Variants in SGMS1 observed in about 807,000 individuals in gnomAD.
SGMS1 encodes the protein sphingomyelin synthase 1.
Under a neutral mutation model 46.2 loss-of-function variants are expected in SGMS1, and 13 were observed. The observed-to-expected ratio is 0.28, with a 90% confidence interval of 0.18 to 0.45. The LOEUF (loss-of-function observed/expected upper bound fraction) is 0.45, where lower values mean the gene tolerates loss of function less well. SGMS1 is among the 20% of genes least tolerant of loss of function. The pLI is 1.00. For missense variants in SGMS1, 324 were observed against 519.9 expected (o/e 0.62, Z 3.66); for synonymous variants, 203 against 187.8 (o/e 1.08, Z -0.66).
intron 3 of SGMS1, among the ~76,000 whole-genome samples, chr10:50,501,481 CT>C (rs1479595070): frequency 1.3e-5 from 2 of 151,970 alleles, no homozygotes; most frequent in Non-Finnish European, 2.9e-5. Flanking sequence ...TGATTTTTTC[CT>C]CTTTTCTGAG....
At chr10:50,403,615 A>G (rs1428956790) in intron 6 of SGMS1, among the ~76,000 whole-genome samples, 7 of 151,938 alleles carry the variant, frequency 4.6e-5, no homozygotes, top group Non-Finnish European at 1.0e-4. Flanking sequence ...ACTCCTGGCT[A>G]CCAGGAATGA....
At chr10:50,625,112 C>T (rs768780955), upstream of SGMS1, 15 of 963,336 alleles carry the variant, frequency 1.6e-5, no homozygotes, top group Non-Finnish European at 1.7e-5. Context: ...AGTCCTGTAC[C>T]GACCCCTGGC....
chr10:50,510,818 A>C (rs1416764117), intron 3 of SGMS1, among the ~76,000 whole-genome samples: 2 of 152,092 alleles, frequency 1.3e-5, no homozygotes, highest in African/African-American at 4.8e-5. Flanking sequence ...TAGTTTTTAC[A>C]TGTTCTTTGT....
intron 8 of SGMS1, among the ~76,000 whole-genome samples, chr10:50,323,389 T>A (rs771388221): frequency 6.6e-6 from 1 of 152,156 alleles, no homozygotes; most frequent in African/African-American, 2.4e-5. Context: ...TCTCCTCCCT[T>A]ACAGTTTAGT....
intron 5 of SGMS1, among the ~76,000 whole-genome samples, chr10:50,434,943 A>G (rs1564912733): frequency 6.6e-6 from 1 of 151,790 alleles, no homozygotes; most frequent in Non-Finnish European, 1.5e-5. Flanking sequence ...AAATATAGAG[A>G]TCTTCTCTAA....
Position 50,495,531 on chromosome 10 carries a change from C to A in SGMS1, c.-498+24300G>T, listed in dbSNP as rs942540851. On this transcript the variant is annotated intron_variant, in intron 3 of 10. Coordinates refer to ENST00000361781, the MANE Select transcript of SGMS1 (RefSeq NM_147156.4). ...CTTTACACAGACCAACAGTTAGGCT[C>A]CCAATATTTAAATGTACATATAAAC... Among the ~76,000 whole-genome samples the A allele has an allele frequency of 3.9e-5, 6 of 152,118 alleles. 1 individual carries two copies. The highest frequency in any genetic ancestry group is 1.3e-4 in the Admixed American group (2 of 15,284).
At chr10:50,520,786 C>T (rs760603801) in intron 2 of SGMS1, among the ~76,000 whole-genome samples, 9 of 152,216 alleles carry the variant, frequency 5.9e-5, no homozygotes, top group South Asian at 2.1e-4. Context: ...GCACAGACAA[C>T]CCAAAGGGTA....
chr10:50,555,530 G>C (rs186062556), intron 2 of SGMS1, among the ~76,000 whole-genome samples: 1 of 152,144 alleles, frequency 6.6e-6, no homozygotes, highest in Non-Finnish European at 1.5e-5. Context: ...ATGCGGTTGA[G>C]GCCTCTGCTT....
At chr10:50,492,288 A>G (rs1837574052) in intron 3 of SGMS1, among the ~76,000 whole-genome samples, 1 of 152,200 alleles carries the variant, frequency 6.6e-6, no homozygotes, top group South Asian at 2.1e-4. Flanking sequence ...CACCACTCCT[A>G]TTCAACATAG....
intron 2 of SGMS1, among the ~76,000 whole-genome samples, chr10:50,542,140 C>T (rs1838058606): frequency 6.6e-6 from 1 of 152,168 alleles, no homozygotes; most frequent in Non-Finnish European, 1.5e-5. Flanking sequence ...TAGACCTTCT[C>T]ATGGGGGAAA....
chr10:50,483,606 A>G (rs1040851663), intron 3 of SGMS1, among the ~76,000 whole-genome samples: 4 of 152,196 alleles, frequency 2.6e-5, no homozygotes, highest in Non-Finnish European at 5.9e-5. Flanking sequence ...TCGGTGCCAC[A>G]TGGCAACTTA....
chr10:50,349,653 CCCCTTAT>C (rs111826778), intron 6 of SGMS1, among the ~76,000 whole-genome samples: 50 of 152,236 alleles, frequency 3.3e-4, no homozygotes, highest in African/African-American at 1.1e-3. Context: ...TGGAGGTGGT[CCCCTTAT>C]ACTGTTCTTG....
chr10:50,457,932 G>T (rs987111044), intron 5 of SGMS1, among the ~76,000 whole-genome samples: 8 of 152,190 alleles, frequency 5.3e-5, no homozygotes, highest in African/African-American at 1.9e-4. Context: ...GTCCCAACTT[G>T]CTTTGGAAGA....
chr10:50,337,369 T>C (rs1339275238), intron 7 of SGMS1, among the ~76,000 whole-genome samples: 1 of 152,162 alleles, frequency 6.6e-6, no homozygotes, highest in South Asian at 2.1e-4. Context: ...ATGGCTAATA[T>C]ATAGTAAAGT....
At chr10:50,412,420 A>C (rs1849113695) in intron 6 of SGMS1, among the ~76,000 whole-genome samples, 1 of 152,236 alleles carries the variant, frequency 6.6e-6, no homozygotes, top group Non-Finnish European at 1.5e-5. Flanking sequence ...CGGATTGTGA[A>C]TACTCTGAAA....
chr10:50,482,129 T>C (rs574358506), intron 3 of SGMS1, among the ~76,000 whole-genome samples: 1 of 152,326 alleles, frequency 6.6e-6, no homozygotes, highest in South Asian at 2.1e-4. Context: ...TCCCCCAACC[T>C]AGCAAGACAG....
At chr10:50,624,014 C>A (rs533025866), upstream of SGMS1, 17 of 985,554 alleles carry the variant, frequency 1.7e-5, no homozygotes, top group South Asian at 7.0e-4. Context: ...GACGCGACTC[C>A]GCTCCTCCGG....
chr10:50,570,148 G>C (rs1233085304), intron 2 of SGMS1, among the ~76,000 whole-genome samples: 1 of 152,134 alleles, frequency 6.6e-6, no homozygotes, highest in Non-Finnish European at 1.5e-5. Context: ...CAAAATGCTG[G>C]AAAAATAGAA....
rs3054271 is a variant in SGMS1, at chr10:50,510,610, G to GTTTTT, written c.-498+9216_-498+9220dup. 7.4e-5 allele frequency among the ~76,000 whole-genome samples: 11 copies of GTTTTT among 149,172 alleles called. No individual in the cohort carries two copies. In the East Asian group the frequency reaches 1.4e-3, roughly 19 times the overall value. On this transcript the variant is annotated intron_variant, in intron 3 of 10. Transcript: ENST00000361781. ...AATAGATGTGTAGTGGTATCTCTGTGTTTTTTTTTTACTTTTGATTTTGAA... is the reference window on the plus strand; with the variant it reads ...AATAGATGTGTAGTGGTATCTCTGTGTTTTTTTTTTTTTTTACTTTTGATTTTGAA...
Sources: gnomAD v4.1 joint callset for allele counts (sites outside exome capture counted in the v4.1 genomes callset) on GRCh38, gnomAD v4.1.1 for gene constraint, MANE v1.5 for transcripts, NCBI Gene and HGNC (gene_info 2026-07-23, HGNC 2026-07-21) for gene names.